Variants in SATL1 observed in about 807,000 individuals in gnomAD.
The protein encoded by SATL1 is spermidine/spermine N1-acetyl transferase like 1, also known as spermidine/spermine N(1)-acetyltransferase-like protein 1.
A neutral mutation model predicts 51.8 loss-of-function variants in SATL1; 47 were observed. The observed-to-expected ratio is 0.91, with a 90% confidence interval of 0.72 to 1.16. SATL1 has a LOEUF of 1.16. Among genes scored for constraint, SATL1 ranks in the 50% most tolerant of loss-of-function variants. The pLI is 0.00. For missense variants in SATL1, 520 were observed against 526.4 expected, an observed-to-expected ratio of 0.99 and a Z score of 0.12; for synonymous variants, 176 against 182.4, an observed-to-expected ratio of 0.97 and a Z score of 0.28.
chrX:85,198,377 T>C (rs1749935839), intron 2 of SATL1, among the ~76,000 whole-genome samples: 1 of 111,485 alleles, frequency 9.0e-6, no homozygotes, highest in Non-Finnish European at 1.9e-5. Context: ...CTATAGTACT[T>C]CTATTTTTAG....
At chrX:85,127,850 G>A (rs1925666131) in intron 2 of SATL1, among the ~76,000 whole-genome samples, 2 of 110,631 alleles carry the variant, frequency 1.8e-5, no homozygotes, top group South Asian at 3.8e-4. Flanking sequence ...CTATGTCCAA[G>A]TGTTCTCATT....
chrX:85,147,162 G>A (rs1349083195), intron 2 of SATL1, among the ~76,000 whole-genome samples: 1 of 114,736 alleles, frequency 8.7e-6, no homozygotes, highest in East Asian at 2.7e-4. Flanking sequence ...CACACCAGGA[G>A]ATTATATCCC....
intron 2 of SATL1, among the ~76,000 whole-genome samples, chrX:85,133,640 G>A (rs779450183): frequency 2.2e-4 from 24 of 111,532 alleles, no homozygotes; most frequent in Admixed American, 2.1e-3. Context: ...GCTTCATCTT[G>A]CCTTCTGTGG....
At chrX:85,186,743 CCTT>C (rs1927321221) in intron 2 of SATL1, among the ~76,000 whole-genome samples, 1 of 111,721 alleles carries the variant, frequency 9.0e-6, no homozygotes, top group African/African-American at 3.3e-5. Context: ...TCAAGACTGT[CCTT>C]CTTACCCTCT....
At chrX:85,236,530 C>T (rs1335722345) in intron 1 of SATL1, among the ~76,000 whole-genome samples, 1 of 111,105 alleles carries the variant, frequency 9.0e-6, no homozygotes, top group Admixed American at 9.6e-5. Context: ...AATTATGGTT[C>T]AACATATAAA....
At chrX:85,120,780 C>CA (rs1195387576) in intron 2 of SATL1, among the ~76,000 whole-genome samples, 1 of 111,468 alleles carries the variant, frequency 9.0e-6, no homozygotes, top group Non-Finnish European at 1.9e-5. Flanking sequence ...CTTTCTATTA[C>CA]AAAAAATATT....
intron 1 of SATL1, among the ~76,000 whole-genome samples, chrX:85,226,296 C>G (rs1928276162): frequency 9.0e-6 from 1 of 111,368 alleles, no homozygotes; most frequent in South Asian, 3.8e-4. Context: ...TCCCCTAAAG[C>G]CCAAATGGCA....
At position 85,108,935 on chromosome X, in the gene SATL1, A is replaced by G. The variant is rs1261854574; in HGVS notation, c.34T>C (p.Ser12Pro). 1.7e-6 allele frequency: 2 copies of G among 1,206,146 alleles called. No homozygotes were observed. Among genetic ancestry groups the G allele is most frequent in the Non-Finnish European group, 2.2e-6 (2 of 893,459 alleles). ...NQSGTNQSSL[S>P]DSNQAGINQP... ...TTTATGCCTGCTTGGTTCGAGTCTGATAAACTTGATTGGTTCGTGCCTGAT... is the reference window on the plus strand; with the variant it reads ...TTTATGCCTGCTTGGTTCGAGTCTGGTAAACTTGATTGGTTCGTGCCTGAT... The change falls in exon 3 of 8, where the codon TCA (serine) becomes CCA (proline). Residue 12 changes from serine to proline, a missense_variant. Ser to Pro is a moderately conservative substitution (Grantham distance 74). Transcript: ENST00000644105.
intron 2 of SATL1, among the ~76,000 whole-genome samples, chrX:85,151,675 C>T (rs1294453986): frequency 9.0e-6 from 1 of 110,564 alleles, no homozygotes; most frequent in Non-Finnish European, 1.9e-5. Context: ...TATCTACAAC[C>T]ATCTGATCTT....
intron 1 of SATL1, among the ~76,000 whole-genome samples, chrX:85,242,845 T>A (rs762271251): frequency 8.9e-6 from 1 of 112,315 alleles, no homozygotes; most frequent in South Asian, 3.7e-4. Flanking sequence ...GGAAATTATA[T>A]CTCCTCATTC....
At chrX:85,146,432 G>T (rs1213734616) in intron 2 of SATL1, among the ~76,000 whole-genome samples, 2 of 111,542 alleles carry the variant, frequency 1.8e-5, no homozygotes, top group Non-Finnish European at 3.8e-5. Flanking sequence ...TCCTGTATCA[G>T]AATAGCTCAT....
rs199605949 is a variant in SATL1, at chrX:85,121,247, TA to T, written c.-312-11968del. ...ATTGTTATATGATTTATTTTATTTT[TA>T]TTTTTTGTGGGTACACAGTAGATGA... On this transcript the variant is annotated intron_variant, in intron 2 of 7. Coordinates refer to ENST00000644105, the MANE Select transcript of SATL1 (RefSeq NM_001367857.2). Among the ~76,000 whole-genome samples the T allele has an allele frequency of 8.1e-4, 87 of 107,031 alleles. 1 individual carries two copies. In the East Asian group the frequency reaches 0.022, roughly 27 times the overall value. The allele number at this position is 107,031 out of a possible 115,157, so 92.9% of individuals were successfully genotyped here.
intron 2 of SATL1, among the ~76,000 whole-genome samples, chrX:85,187,163 T>C (rs1235320870): frequency 5.3e-5 from 6 of 112,217 alleles, no homozygotes; most frequent in Non-Finnish European, 1.1e-4. Flanking sequence ...GAAACATTAA[T>C]AATTTTTTGA....
intron 2 of SATL1, among the ~76,000 whole-genome samples, chrX:85,214,599 G>A (rs778992968): frequency 9.0e-6 from 1 of 111,328 alleles, no homozygotes; most frequent in African/African-American, 3.3e-5. Flanking sequence ...TTCCAGCATC[G>A]ACTCAGAAAT....
chrX:85,142,696 A>G (rs1221180272), intron 2 of SATL1: 1 of 111,824 alleles, frequency 8.9e-6, no homozygotes, highest in Non-Finnish European at 1.9e-5. Context: ...TAGCTTGTCA[A>G]GGTGACTTAG....
chrX:85,217,039 A>C (rs992389522), intron 2 of SATL1, among the ~76,000 whole-genome samples: 3 of 112,171 alleles, frequency 2.7e-5, no homozygotes, highest in Non-Finnish European at 3.8e-5. Context: ...AATTCGTTAA[A>C]CCTACTGGTG....
chrX:85,137,053 C>A (rs777200167), intron 2 of SATL1, among the ~76,000 whole-genome samples: 1 of 111,307 alleles, frequency 9.0e-6, no homozygotes, highest in South Asian at 3.8e-4. Context: ...GGGGAATAAT[C>A]GATGGAAAAG....
At chrX:85,226,422 CT>C (rs1175117781) in intron 1 of SATL1, among the ~76,000 whole-genome samples, 2 of 111,226 alleles carry the variant, frequency 1.8e-5, no homozygotes, top group Non-Finnish European at 3.8e-5. Context: ...TAAACGCCCC[CT>C]AGCTTTGAAT....
rs57383092 is a variant in SATL1 at position 85,220,644 on chromosome X, TAAAAAAAAAAAAAAAAA to T, written c.-313+3544_-313+3560del. Among the ~76,000 whole-genome samples, 102 of 24,152 alleles carry T rather than the reference TAAAAAAAAAAAAAAAAA, an allele frequency of 4.2e-3. 1 individual carries two copies. The highest frequency in any genetic ancestry group is 0.015 in the East Asian group (8 of 545). The allele number at this position is 24,152 out of a possible 115,157, so 21.0% of individuals were successfully genotyped here. A position where few individuals can be genotyped will look rare whatever the true frequency, so the allele number is the denominator to read the frequency against. On this transcript the variant is annotated intron_variant, in intron 2 of 7. Transcript: ENST00000644105. ...TAGCTCCCAGGCAGCACTTCTGTGTTAAAAAAAAAAAAAAAAAAAAAAAAAAAAAAAAAAAAAAAAAA... is the reference window on the plus strand; with the variant it reads ...TAGCTCCCAGGCAGCACTTCTGTGTTAAAAAAAAAAAAAAAAAAAAAAAAA...
Sources: gnomAD v4.1 joint callset for allele counts (sites outside exome capture counted in the v4.1 genomes callset) on GRCh38, gnomAD v4.1.1 for gene constraint, MANE v1.5 for transcripts, NCBI Gene and HGNC (gene_info 2026-07-23, HGNC 2026-07-21) for gene names.